The following BMERB1 variants were observed in gnomAD, a reference collection of about 807,000 sequenced individuals.
BMERB1 encodes bMERB domain-containing protein 1.
A neutral mutation model predicts 23.6 loss-of-function variants in BMERB1; 12 were observed. The ratio of observed to expected loss-of-function variants is 0.51; its 90% confidence interval spans 0.33 to 0.82. The LOEUF (loss-of-function observed/expected upper bound fraction) is 0.82. Among genes scored for constraint, BMERB1 ranks in the 40% least tolerant of loss-of-function variants. The pLI, the probability that BMERB1 is intolerant of heterozygous loss-of-function variation, is 0.03. For synonymous variants in BMERB1, 122 were observed against 96.6 expected, an observed-to-expected ratio of 1.26 and a Z score of -1.54; for missense variants, 247 against 255.4, an observed-to-expected ratio of 0.97 and a Z score of 0.22.
At chr16:15,444,138 T>TTTTTTTTTG (rs1567447932) in intron 1 of BMERB1, among the ~76,000 whole-genome samples, 5 of 131,636 alleles carry the variant, frequency 3.8e-5, no homozygotes, top group African/African-American at 1.2e-4. Flanking sequence ...TTTTTTTTTT[T>TTTTTTTTTG]TTTTTTTTTT....
At chr16:15,515,230 C>T in intron 1 of BMERB1, 75 bp from the exon 2 acceptor site, 1 of 1,600,758 alleles carries the variant, frequency 6.2e-7, no homozygotes, top group Non-Finnish European at 8.5e-7. Context: ...AGGCTGTGCC[C>T]TGGAACCATG....
At chr16:15,582,335 A>G (rs890953115) in intron 4 of BMERB1, among the ~76,000 whole-genome samples, 3 of 152,204 alleles carry the variant, frequency 2.0e-5, no homozygotes, top group African/African-American at 7.2e-5. Flanking sequence ...CAGGAGGCAG[A>G]GGTTGCAGTG....
intron 2 of BMERB1, among the ~76,000 whole-genome samples, chr16:15,526,678 A>C (rs1036255615): frequency 1.6e-4 from 24 of 150,570 alleles, no homozygotes; most frequent in Non-Finnish European, 3.0e-4. Flanking sequence ...AAAAAAAAAA[A>C]AAAAAACTAA....
chr16:15,563,377 G>T (rs1198122127), intron 2 of BMERB1, among the ~76,000 whole-genome samples: 1 of 151,858 alleles, frequency 6.6e-6, no homozygotes, highest in Non-Finnish European at 1.5e-5. Flanking sequence ...CTACCACCAC[G>T]CCCGGCTAAT....
At chr16:15,458,403 A>G (rs1180956341) in intron 1 of BMERB1, among the ~76,000 whole-genome samples, 1 of 152,192 alleles carries the variant, frequency 6.6e-6, no homozygotes, top group Non-Finnish European at 1.5e-5. Context: ...TCTATAAAAT[A>G]AGTGATTGGA....
intron 2 of BMERB1, among the ~76,000 whole-genome samples, chr16:15,562,576 A>T (rs1567499936): frequency 6.6e-6 from 1 of 152,018 alleles, no homozygotes; most frequent in Non-Finnish European, 1.5e-5. Context: ...CTGTTGTGGG[A>T]GCTGTTCTGT....
chr16:15,570,159 T>C (rs1042534933), intron 3 of BMERB1, among the ~76,000 whole-genome samples: 1 of 152,160 alleles, frequency 6.6e-6, no homozygotes, highest in Non-Finnish European at 1.5e-5. Flanking sequence ...TGAATGTTTT[T>C]GCCATGCTGT....
intron 1 of BMERB1, among the ~76,000 whole-genome samples, chr16:15,467,213 G>A (rs1044265370): frequency 6.6e-6 from 1 of 152,186 alleles, no homozygotes; most frequent in Non-Finnish European, 1.5e-5. Context: ...ACGCTCAGGA[G>A]TGCAGTTACT....
intron 1 of BMERB1, among the ~76,000 whole-genome samples, chr16:15,470,283 T>C (rs565908176): frequency 3.9e-5 from 6 of 152,202 alleles, no homozygotes; most frequent in African/African-American, 1.4e-4. Context: ...CACACATTGA[T>C]TGATTTTCAA....
intron 1 of BMERB1, among the ~76,000 whole-genome samples, chr16:15,456,028 A>C (rs2051084764): frequency 6.6e-6 from 1 of 152,230 alleles, no homozygotes; most frequent in Non-Finnish European, 1.5e-5. Context: ...TGCAGGGGCC[A>C]CATAGATACT....
chr16:15,548,324 T>G (rs1281731440), intron 2 of BMERB1, among the ~76,000 whole-genome samples: 2 of 152,148 alleles, frequency 1.3e-5, no homozygotes, highest in Non-Finnish European at 2.9e-5. Flanking sequence ...GCCAAAATCA[T>G]TGTCATCATC....
At chr16:15,572,657 C>T (rs116889381) in intron 3 of BMERB1, among the ~76,000 whole-genome samples, 2,755 of 152,310 alleles carry the variant, frequency 0.018, 38 homozygotes, top group Non-Finnish European at 0.027. Context: ...TCTCCACCCA[C>T]TAGAAACCCC....
At chr16:15,505,097 T>C (rs1238499983) in intron 1 of BMERB1, among the ~76,000 whole-genome samples, 1 of 152,160 alleles carries the variant, frequency 6.6e-6, no homozygotes, top group East Asian at 1.9e-4. Context: ...ATGAGAACCG[T>C]TTGTTGAGGG....
At chr16:15,571,523 T>C (rs894222379) in intron 3 of BMERB1, among the ~76,000 whole-genome samples, 7 of 151,932 alleles carry the variant, frequency 4.6e-5, no homozygotes, top group Admixed American at 2.6e-4. Context: ...CCCGGCTAAT[T>C]TTTTGTATTT....
intron 2 of BMERB1, among the ~76,000 whole-genome samples, chr16:15,557,872 C>T (rs1009043416): frequency 2.0e-5 from 3 of 152,138 alleles, no homozygotes; most frequent in African/African-American, 7.2e-5. Flanking sequence ...TGGTGAAACT[C>T]CATCTCTCCT....
At chr16:15,478,090 C>CTG (rs1005706668) in intron 1 of BMERB1, among the ~76,000 whole-genome samples, 91 of 152,050 alleles carry the variant, frequency 6.0e-4, no homozygotes, top group African/African-American at 2.0e-3. Flanking sequence ...GTGTGTGTGT[C>CTG]TGTGTGTGTG....
intron 5 of BMERB1, chr16:15,583,940 A>G (rs1324188050): frequency 1.5e-6 from 1 of 688,250 alleles, no homozygotes; most frequent in African/African-American, 1.8e-5. Context: ...CTAATTGCAA[A>G]GTTTGGTGCA....
intron 1 of BMERB1, among the ~76,000 whole-genome samples, chr16:15,438,767 C>A (rs1481579614): frequency 6.6e-6 from 1 of 152,138 alleles, no homozygotes; most frequent in East Asian, 1.9e-4. Context: ...GGCCTGTTTT[C>A]TAGATGCGTG....
intron 1 of BMERB1, among the ~76,000 whole-genome samples, chr16:15,450,669 C>T (rs575594324): frequency 1.3e-5 from 2 of 152,166 alleles, no homozygotes; most frequent in East Asian, 3.9e-4. Flanking sequence ...TGGGGTTTTA[C>T]CATGTTGTTG....
Sources: gnomAD v4.1 joint callset for allele counts (sites outside exome capture counted in the v4.1 genomes callset) on GRCh38, gnomAD v4.1.1 for gene constraint, MANE v1.5 for transcripts, NCBI Gene and HGNC (gene_info 2026-07-23, HGNC 2026-07-21) for gene names.